Variants in DNAJC12 observed in about 807,000 individuals in gnomAD.
DNAJC12 encodes the protein DnaJ heat shock protein family (Hsp40) member C12.
Under a neutral mutation model 28.5 loss-of-function variants are expected in DNAJC12, and 25 were observed. That is an observed-to-expected ratio of 0.88 (90% CI 0.64 to 1.22). The LOEUF (loss-of-function observed/expected upper bound fraction) is 1.22, where lower values mean the gene tolerates loss of function less well. DNAJC12 is among the 50% of genes most tolerant of loss of function. The probability of loss-of-function intolerance (pLI) is 0.00; values close to 1 mark genes in which losing one functional copy is unlikely to be tolerated. For missense variants in DNAJC12, 222 were observed against 231.7 expected, an observed-to-expected ratio of 0.96 and a Z score of 0.27; for synonymous variants, 77 against 80.6, an observed-to-expected ratio of 0.95 and a Z score of 0.24.
At chr10:67,811,340 C>T (rs1841855975) in intron 3 of DNAJC12, 184 bp downstream of exon 3, 5 of 1,415,172 alleles carry the variant, frequency 3.5e-6, no homozygotes, top group Non-Finnish European at 4.6e-6. Flanking sequence ...GGCACAAATT[C>T]ATTGCCTTTA....
rs113499879 is a variant in DNAJC12, at chr10:67,826,798, A to T, written c.79-3406T>A. The stretch of plus-strand genomic sequence containing the variant: ...TATATAATATATATCATTAGATATC[A>T]GATATATAATGATATATATAATATA... On this transcript the variant is annotated intron_variant, in intron 1 of 4. Coordinates refer to ENST00000225171, the MANE Select transcript of DNAJC12 (RefSeq NM_021800.3). Among the ~76,000 whole-genome samples the T allele has an allele frequency of 8.7e-5, 11 of 126,438 alleles. 3 individuals carry two copies. Among genetic ancestry groups the T allele is most frequent in the South Asian group, 2.3e-4 (1 of 4,366 alleles). The allele number at this position is 126,438 out of a possible 152,430, so 82.9% of individuals were successfully genotyped here. A position where few individuals can be genotyped will look rare whatever the true frequency, so the allele number is the denominator to read the frequency against.
chr10:67,834,732 C>G (rs1842126378), intron 1 of DNAJC12, among the ~76,000 whole-genome samples: 1 of 152,104 alleles, frequency 6.6e-6, no homozygotes, highest in African/African-American at 2.4e-5. Context: ...GAGGCTGAAG[C>G]AGGAGAATCA....
At chr10:67,813,034 C>T (rs1225272897) in intron 2 of DNAJC12, among the ~76,000 whole-genome samples, 1 of 150,970 alleles carries the variant, frequency 6.6e-6, no homozygotes, top group Non-Finnish European at 1.5e-5. Flanking sequence ...AACAAACAAA[C>T]AAAAATTCAT....
intron 1 of DNAJC12, among the ~76,000 whole-genome samples, chr10:67,836,938 C>A (rs1842147414): frequency 6.7e-6 from 1 of 148,650 alleles, no homozygotes; most frequent in Admixed American, 6.7e-5. Context: ...TAAATATATC[C>A]TAATAACATG....
intron 1 of DNAJC12, among the ~76,000 whole-genome samples, chr10:67,836,594 A>G (rs938797843): frequency 6.6e-6 from 1 of 152,218 alleles, no homozygotes; most frequent in African/African-American, 2.4e-5. Context: ...CTCAATTGCT[A>G]TAAGCAAATC....
chr10:67,816,124 C>T, intron 2 of DNAJC12: 1 of 398,438 alleles, frequency 2.5e-6, no homozygotes, highest in Non-Finnish European at 4.4e-6. Flanking sequence ...GATTTAACTC[C>T]TGGGTCTACC....
chr10:67,822,061 T>C (rs993667001), intron 2 of DNAJC12, among the ~76,000 whole-genome samples: 4 of 152,066 alleles, frequency 2.6e-5, no homozygotes, highest in Non-Finnish European at 4.4e-5. Flanking sequence ...AGTCTTAAGA[T>C]GGGGAGTGAG....
chr10:67,825,639 T>C (rs1842021952), intron 1 of DNAJC12: 2 of 1,674 alleles, frequency 1.2e-3, no homozygotes, highest in African/African-American at 1.3e-3. Context: ...TGGGGTTCCA[T>C]ATTTACTAAC....
intron 3 of DNAJC12, among the ~76,000 whole-genome samples, chr10:67,806,389 C>T (rs1200043683): frequency 1.3e-5 from 2 of 152,130 alleles, no homozygotes; most frequent in Non-Finnish European, 2.9e-5. Flanking sequence ...CCTATCTCTT[C>T]CCAACTACAA....
At chr10:67,833,432 CCTCTCCCTCTCT>C (rs2131817019) in intron 1 of DNAJC12, among the ~76,000 whole-genome samples, 1 of 70,442 alleles carries the variant, frequency 1.4e-5, no homozygotes, top group African/African-American at 5.1e-5. Flanking sequence ...TCTCTCTCTC[CCTCTCCCTCTCT>C]CTCTCTCTCT....
At chr10:67,802,447 C>G (rs1176635852) in intron 4 of DNAJC12, among the ~76,000 whole-genome samples, 1 of 152,186 alleles carries the variant, frequency 6.6e-6, no homozygotes, top group Non-Finnish European at 1.5e-5. Context: ...TTACAGCTTG[C>G]TAGCTCCCAG....
At chr10:67,831,448 G>A (rs1028250973) in intron 1 of DNAJC12, among the ~76,000 whole-genome samples, 2 of 151,930 alleles carry the variant, frequency 1.3e-5, no homozygotes, top group Admixed American at 6.6e-5. Context: ...TTTTGTCTAA[G>A]CAAGGAAATA....
At chr10:67,799,595 T>C (rs895927816) in intron 4 of DNAJC12, among the ~76,000 whole-genome samples, 1 of 152,212 alleles carries the variant, frequency 6.6e-6, no homozygotes, top group African/African-American at 2.4e-5. Context: ...TAAAAAGATG[T>C]AGTTTCTGGC....
chr10:67,823,188 G>T, intron 2 of DNAJC12, 126 bp downstream of exon 2: 1 of 737,896 alleles, frequency 1.4e-6, no homozygotes, highest in Non-Finnish European at 2.3e-6. Flanking sequence ...ATCCAATAGT[G>T]CAAAGAAAGA....
intron 2 of DNAJC12, 46 bp downstream of exon 2, chr10:67,823,268 A>G (rs921992207): frequency 2.6e-6 from 4 of 1,516,196 alleles, no homozygotes; most frequent in African/African-American, 1.4e-5. Flanking sequence ...TTTTGGTTCT[A>G]TATACTACTC....
chr10:67,827,977 T>C (rs867944939), intron 1 of DNAJC12, among the ~76,000 whole-genome samples: 3 of 152,146 alleles, frequency 2.0e-5, no homozygotes, highest in Admixed American at 6.5e-5. Context: ...GCCTCCCTAC[T>C]CCATGTGACC....
At position 67,829,414 on chromosome 10, in the gene DNAJC12, G is replaced by T. The variant is rs1054189727; in HGVS notation, c.79-6022C>A. Among the ~76,000 whole-genome samples, 4 of 152,316 alleles carry T rather than the reference G, an allele frequency of 2.6e-5. 1 individual carries two copies. The South Asian group carries it at 8.3e-4, about 32-fold the overall frequency. On this transcript the variant is annotated intron_variant, in intron 1 of 4. Coordinates refer to ENST00000225171, the MANE Select transcript of DNAJC12 (RefSeq NM_021800.3). ...CCAGCACTTGGGGAGGCCGAGGCGG[G>T]TGGATCACGAGGTCAAGAGATCGAG... is the stretch of plus-strand genomic sequence containing the variant.
intron 2 of DNAJC12, among the ~76,000 whole-genome samples, chr10:67,813,689 C>T (rs1203691912): frequency 4.0e-5 from 6 of 148,450 alleles, no homozygotes; most frequent in Non-Finnish European, 5.9e-5. Context: ...ACCTGGGAGG[C>T]GGAGGTTGCA....
At chr10:67,797,946 A>G (rs1290618015) in intron 4 of DNAJC12, among the ~76,000 whole-genome samples, 10 of 151,832 alleles carry the variant, frequency 6.6e-5, no homozygotes. Flanking sequence ...AGGCTGAGGC[A>G]GGAGAATGGC....
Sources: gnomAD v4.1 joint callset for allele counts (sites outside exome capture counted in the v4.1 genomes callset) on GRCh38, gnomAD v4.1.1 for gene constraint, MANE v1.5 for transcripts, NCBI Gene and HGNC (gene_info 2026-07-23, HGNC 2026-07-21) for gene names.